Variants in USH2A observed in about 807,000 individuals in gnomAD.
USH2A encodes Usher syndrome 2A (autosomal recessive, mild).
Under a neutral mutation model 538.9 loss-of-function variants are expected in USH2A, and 443 were observed. The ratio of observed to expected loss-of-function variants is 0.82; its 90% CI spans 0.76 to 0.89. The LOEUF (loss-of-function observed/expected upper bound fraction) is 0.89. Ranked by LOEUF, USH2A falls within the 40% of genes least tolerant of loss-of-function variation. The pLI, the probability that USH2A is intolerant of heterozygous loss-of-function variation, is 0.00. For synonymous variants in USH2A, 2,413 were observed against 2,273.5 expected (o/e 1.06, Z -1.75); for missense variants, 6,633 against 6,324.8 (o/e 1.05, Z -1.65).
chr1:216,268,627 G>A (rs1394222475), intron 11 of USH2A, among the ~76,000 whole-genome samples: 1 of 152,078 alleles, frequency 6.6e-6, no homozygotes, highest in Non-Finnish European at 1.5e-5. Context: ...TTTGCAGCTT[G>A]CACAAGGATC....
chr1:215,976,984 G>GTTTTTT (rs56872387), intron 35 of USH2A, among the ~76,000 whole-genome samples: 7 of 144,452 alleles, frequency 4.8e-5, no homozygotes, highest in Non-Finnish European at 6.0e-5. Context: ...ACCTGGTCCA[G>GTTTTTT]TTTTTTTTTT....
intron 58 of USH2A, among the ~76,000 whole-genome samples, chr1:215,752,606 G>A (rs781279494): frequency 1.3e-5 from 2 of 152,104 alleles, no homozygotes; most frequent in Non-Finnish European, 2.9e-5. Flanking sequence ...AAGCTTTCTG[G>A]TTACTACTTC....
At chr1:215,850,271 T>C (rs1335014468) in intron 44 of USH2A, among the ~76,000 whole-genome samples, 2 of 152,222 alleles carry the variant, frequency 1.3e-5, no homozygotes, top group East Asian at 3.9e-4. Flanking sequence ...GAGAAAGACA[T>C]TAGTAACCAT....
chr1:215,639,602 T>C (rs940341220), intron 68 of USH2A, among the ~76,000 whole-genome samples: 4 of 152,288 alleles, frequency 2.6e-5, no homozygotes, highest in South Asian at 2.1e-4. Context: ...TAGAGTTTCT[T>C]ACTGAACAGG....
At chr1:216,261,495 G>A (rs1571633695) in intron 11 of USH2A, among the ~76,000 whole-genome samples, 1 of 144,532 alleles carries the variant, frequency 6.9e-6, no homozygotes, top group African/African-American at 2.5e-5. Flanking sequence ...TAAAAGATTA[G>A]AAGAGAAAGA....
intron 14 of USH2A, among the ~76,000 whole-genome samples, chr1:216,224,677 C>T (rs1197341783): frequency 1.3e-5 from 2 of 151,868 alleles, no homozygotes; most frequent in African/African-American, 2.4e-5. Context: ...ATTTATTTTG[C>T]CCTTGGGAAT....
chr1:216,325,680 C>G (rs982607067), intron 5 of USH2A, 81 bp from the exon 6 acceptor site: 1 of 1,373,290 alleles, frequency 7.3e-7, no homozygotes, highest in Non-Finnish European at 1.0e-6. Context: ...AAATGAATGT[C>G]ACTCGTTTAG....
chr1:215,885,044 A>G (rs1665010814), intron 41 of USH2A, among the ~76,000 whole-genome samples: 1 of 151,968 alleles, frequency 6.6e-6, no homozygotes, highest in Admixed American at 6.6e-5. Context: ...GGTGCATCAT[A>G]GTCATGCAAC....
intron 61 of USH2A, among the ~76,000 whole-genome samples, chr1:215,717,175 C>T (rs180833046): frequency 2.6e-5 from 4 of 152,130 alleles, no homozygotes. Context: ...GGCTCTTAGA[C>T]AACAAGTAGA....
intron 64 of USH2A, among the ~76,000 whole-genome samples, chr1:215,651,251 A>T (rs565156201): frequency 6.6e-6 from 1 of 152,214 alleles, no homozygotes; most frequent in Non-Finnish European, 1.5e-5. Context: ...ATATGGAACG[A>T]TGTATAATCT....
Position 215,650,647 on chromosome 1 carries a change from C to T in USH2A, c.14288G>A (p.Gly4763Glu), listed in dbSNP as rs781195579. ...VNISAPGKPN[G>E]IVSLYRLFSS... ...GAACAGCCTGTAGAGACTGACGATC[C>T]CGTTGGGCTTCCCAGGGGCACTGAT... The change falls in exon 65 of 72, where the codon GGG becomes GAG. Residue 4763 changes from glycine (G) to glutamate (E), a missense_variant. Gly to Glu is a moderately conservative substitution (Grantham distance 98, BLOSUM62 -2). Transcript: ENST00000307340. 6.2e-7 allele frequency: 1 copy of T among 1,614,098 alleles called. No individual in the cohort carries two copies. Among genetic ancestry groups the T allele is most frequent in the Admixed American group, 1.7e-5 (1 of 60,014 alleles).
At chr1:216,132,649 G>C (rs1196029586) in intron 21 of USH2A, among the ~76,000 whole-genome samples, 1 of 152,078 alleles carries the variant, frequency 6.6e-6, no homozygotes, top group South Asian at 2.1e-4. Flanking sequence ...AATTTCCTCT[G>C]TTTTGGCTGA....
At chr1:216,412,516 A>G (rs2039505149) in intron 3 of USH2A, among the ~76,000 whole-genome samples, 1 of 152,106 alleles carries the variant, frequency 6.6e-6, no homozygotes, top group African/African-American at 2.4e-5. Flanking sequence ...TTTATACAAA[A>G]TTACATTCTG....
intron 8 of USH2A, among the ~76,000 whole-genome samples, chr1:216,322,598 G>A (rs1338856176): frequency 2.4e-5 from 3 of 127,008 alleles, no homozygotes; most frequent in Admixed American, 8.2e-5. Flanking sequence ...CAGAGCAAAA[G>A]CCTGTCAAAA....
intron 64 of USH2A, among the ~76,000 whole-genome samples, chr1:215,663,007 T>C (rs1386360618): frequency 6.6e-6 from 1 of 152,048 alleles, no homozygotes; most frequent in African/African-American, 2.4e-5. Context: ...ACTATCAGAG[T>C]TTGGAATTTT....
intron 71 of USH2A, among the ~76,000 whole-genome samples, chr1:215,627,196 C>G (rs1356527282): frequency 2.0e-5 from 3 of 152,076 alleles, no homozygotes; most frequent in Non-Finnish European, 4.4e-5. Flanking sequence ...TGGAAGTCAT[C>G]AACTTTTCAG....
chr1:215,807,990 C>T (rs984320941), intron 49 of USH2A, among the ~76,000 whole-genome samples: 2 of 152,048 alleles, frequency 1.3e-5, no homozygotes, highest in Non-Finnish European at 2.9e-5. Context: ...CCTAAAGTTA[C>T]TTAATGAAGG....
At chr1:215,965,923 T>TCGCACA (rs1016685578) in intron 36 of USH2A, among the ~76,000 whole-genome samples, 1 of 142,470 alleles carries the variant, frequency 7.0e-6, no homozygotes, top group South Asian at 2.4e-4. Context: ...CTCTTCTCTG[T>TCGCACA]CACACACACA....
intron 21 of USH2A, among the ~76,000 whole-genome samples, chr1:216,173,099 T>G (rs2034303010): frequency 6.6e-6 from 1 of 152,156 alleles, no homozygotes; most frequent in Non-Finnish European, 1.5e-5. Context: ...AATATATCAG[T>G]AAGAATAATG....
Sources: allele counts gnomAD v4.1 joint callset (sites outside exome capture counted in the v4.1 genomes callset), GRCh38; gene constraint gnomAD v4.1.1; transcripts MANE v1.5; gene names NCBI Gene and HGNC (gene_info 2026-07-23, HGNC 2026-07-21).